Variants in SORBS2 observed in about 807,000 individuals in gnomAD.
The protein encoded by SORBS2 is sorbin and SH3 domain-containing protein 2.
SORBS2 carries 46 observed loss-of-function variants against 97.7 expected under a neutral mutation model. That is an observed-to-expected ratio of 0.47 (90% confidence interval 0.37 to 0.60). The LOEUF (loss-of-function observed/expected upper bound fraction) is 0.60, where lower values mean the gene tolerates loss of function less well. Ranked by LOEUF, SORBS2 falls within the 20% of genes least tolerant of loss-of-function variation. The pLI is 0.00. For missense variants in SORBS2, 1,316 were observed against 1,282.3 expected (o/e 1.03, Z -0.40); for synonymous variants, 476 against 473.4 (o/e 1.01, Z -0.07).
At chr4:185,726,115 T>A (rs1349019829) in intron 2 of SORBS2, among the ~76,000 whole-genome samples, 2 of 152,200 alleles carry the variant, frequency 1.3e-5, no homozygotes, top group African/African-American at 2.4e-5. Flanking sequence ...AGCCCATGAC[T>A]GGTGTGGCGA....
At chr4:185,896,296 C>A (rs185748323) in intron 1 of SORBS2, among the ~76,000 whole-genome samples, 1 of 152,170 alleles carries the variant, frequency 6.6e-6, no homozygotes, top group Non-Finnish European at 1.5e-5. Context: ...AGGATTTAGA[C>A]ATGTTGGCCA....
intron 2 of SORBS2, among the ~76,000 whole-genome samples, chr4:185,760,862 A>C (rs1347481252): frequency 2.0e-5 from 3 of 152,258 alleles, no homozygotes; most frequent in African/African-American, 7.2e-5. Flanking sequence ...AAGGAGCAGA[A>C]GAAAGCAGTG....
At chr4:185,638,802 C>G in intron 4 of SORBS2, 75 bp downstream of exon 14, 2 of 1,355,164 alleles carry the variant, frequency 1.5e-6, no homozygotes, top group Admixed American at 7.7e-5. Context: ...TGGGAGTCGC[C>G]AGGCTCTGAG....
At chr4:185,680,045 G>A (rs763529240) in intron 2 of SORBS2, among the ~76,000 whole-genome samples, 1 of 152,184 alleles carries the variant, frequency 6.6e-6, no homozygotes, top group Non-Finnish European at 1.5e-5. Context: ...TGATAACTTG[G>A]TATGGATTTT....
At chr4:185,586,447 C>T (rs1160624460) in exon 15 of SORBS2, 1 of 152,588 alleles carries the variant, frequency 6.6e-6, no homozygotes, top group Non-Finnish European at 1.5e-5. Context: ...TTCCTGTCCT[C>T]AAATGTAGCC....
At chr4:185,813,444 T>C (rs2099190336) in intron 1 of SORBS2, among the ~76,000 whole-genome samples, 1 of 152,142 alleles carries the variant, frequency 6.6e-6, no homozygotes, top group South Asian at 2.1e-4. Flanking sequence ...TGGGTGGCGC[T>C]TTCCTGCTTG....
Position 185,589,479 on chromosome 4 carries a change from C to T in SORBS2, c.2953+200G>A, listed in dbSNP as rs725184. Among the ~76,000 whole-genome samples, 391 of 152,306 alleles carry T rather than the reference C, an allele frequency of 2.6e-3. 8 individuals carry two copies. The highest frequency in any genetic ancestry group is 0.023 in the Admixed American group (351 of 15,310). On this transcript the variant is annotated intron_variant, in intron 14 of 14. Coordinates refer to ENST00000418609, the Ensembl canonical transcript of SORBS2. ...GTTGGAAATAAAGCTCGCAGAAAATCACACATAGCTGAAGCAGTGAATACT... is the reference window on the plus strand; with the variant it reads ...GTTGGAAATAAAGCTCGCAGAAAATTACACATAGCTGAAGCAGTGAATACT...
intron 1 of SORBS2, chr4:185,918,348 G>A (rs964088050): frequency 1.3e-5 from 2 of 152,188 alleles, no homozygotes; most frequent in Admixed American, 6.5e-5. Context: ...GAAACGTTAT[G>A]TATGAGAAAA....
chr4:185,920,314 C>T (rs557046008), intron 1 of SORBS2, among the ~76,000 whole-genome samples: 2 of 152,242 alleles, frequency 1.3e-5, no homozygotes, highest in African/African-American at 4.8e-5. Flanking sequence ...ATCAATTTAC[C>T]GTAGCACAAG....
chr4:185,647,843 T>C (rs73030033), intron 3 of SORBS2, among the ~76,000 whole-genome samples: 5,999 of 152,276 alleles, frequency 0.039, 296 homozygotes, highest in East Asian at 0.19. Flanking sequence ...GAAAGCCATA[T>C]GGAATTTTTT....
exon 15 of SORBS2, chr4:185,587,610 G>C: frequency 6.2e-7 from 1 of 1,612,018 alleles, no homozygotes; most frequent in Non-Finnish European, 8.5e-7. Flanking sequence ...GGCCTCTACA[G>C]AAGGAGGGAG....
intron 8 of SORBS2, 132 bp downstream of exon 20, chr4:185,619,931 A>T: frequency 1.4e-6 from 1 of 714,126 alleles, no homozygotes; most frequent in East Asian, 2.5e-5. Flanking sequence ...CCCCAAGGAA[A>T]ATTGTTTCTA....
At chr4:185,814,316 G>A (rs1334905013) in intron 1 of SORBS2, among the ~76,000 whole-genome samples, 1 of 151,172 alleles carries the variant, frequency 6.6e-6, no homozygotes, top group Non-Finnish European at 1.5e-5. Flanking sequence ...TGGATCACTT[G>A]AGCCCAGGAT....
intron 1 of SORBS2, among the ~76,000 whole-genome samples, chr4:185,845,992 G>A (rs1236902868): frequency 1.3e-5 from 2 of 152,240 alleles, no homozygotes; most frequent in African/African-American, 2.4e-5. Flanking sequence ...TTGGAAGATC[G>A]TTTCTGATAC....
Position 185,603,221 on chromosome 4 carries a change from A to G in SORBS2, c.2796+8559T>C, listed in dbSNP as rs9918063. Among the ~76,000 whole-genome samples the G allele has an allele frequency of 7.4e-3, 1,124 of 152,244 alleles. 15 individuals carry two copies. Among genetic ancestry groups the G allele is most frequent in the African/African-American group, 0.026 (1,085 of 41,518 alleles). ...TCTAAGGCTACTTTCCCTCTTATTG[A>G]CTAAGCTTAAAAACCGAAGAACAAG... On this transcript the variant is annotated intron_variant, in intron 12 of 14. Transcript: ENST00000418609.
chr4:185,808,328 T>C (rs1463197939), intron 1 of SORBS2, among the ~76,000 whole-genome samples: 1 of 152,164 alleles, frequency 6.6e-6, no homozygotes, highest in Non-Finnish European at 1.5e-5. Flanking sequence ...TTCTACTTTA[T>C]ATACAAAAAT....
chr4:185,769,197 C>T (rs919327313), intron 2 of SORBS2, among the ~76,000 whole-genome samples: 6 of 152,148 alleles, frequency 3.9e-5, no homozygotes, highest in Non-Finnish European at 7.4e-5. Flanking sequence ...CATATCCATC[C>T]TGCGTCATCT....
intron 1 of SORBS2, among the ~76,000 whole-genome samples, chr4:185,950,166 C>T (rs570358561): frequency 5.9e-5 from 9 of 151,738 alleles, no homozygotes; most frequent in South Asian, 2.1e-4. Flanking sequence ...GCAGGAGAAT[C>T]GTTTGAACCC....
chr4:185,717,107 A>G (rs1354280285), intron 2 of SORBS2, among the ~76,000 whole-genome samples: 1 of 152,164 alleles, frequency 6.6e-6, no homozygotes, highest in African/African-American at 2.4e-5. Flanking sequence ...ACTGTATTGG[A>G]AGTATACTGA....
Sources: allele counts gnomAD v4.1 joint callset (sites outside exome capture counted in the v4.1 genomes callset), GRCh38; gene constraint gnomAD v4.1.1; transcripts MANE v1.5; gene names NCBI Gene and HGNC (gene_info 2026-07-23, HGNC 2026-07-21).